Variants in SERPINA9 observed in about 807,000 individuals in gnomAD.
The protein encoded by SERPINA9 is serpin family A member 9.
A neutral mutation model predicts 24.5 loss-of-function variants in SERPINA9; 32 were observed. The observed-to-expected ratio is 1.30, with a 90% CI of 0.98 to 1.75. The LOEUF (loss-of-function observed/expected upper bound fraction) is 1.75, where lower values mean the gene tolerates loss of function less well. SERPINA9 is among the 40% of genes most tolerant of loss of function. SERPINA9 has a pLI of 0.00. For missense variants in SERPINA9, 594 were observed against 497.1 expected, an observed-to-expected ratio of 1.19 and a Z score of -1.85; for synonymous variants, 233 against 197.7, an observed-to-expected ratio of 1.18 and a Z score of -1.50.
intron 1 of SERPINA9, among the ~76,000 whole-genome samples, chr14:94,472,949 G>A (rs1899394365): frequency 6.6e-6 from 1 of 152,198 alleles, no homozygotes. Flanking sequence ...GGAAGGGCTG[G>A]GGAGCAGGAG....
At chr14:94,465,905 T>A (rs908741423) in intron 3 of SERPINA9, among the ~76,000 whole-genome samples, 2 of 152,206 alleles carry the variant, frequency 1.3e-5, no homozygotes, top group African/African-American at 4.8e-5. Flanking sequence ...TTACTTTTAG[T>A]GCTTTGCCCA....
intron 4 of SERPINA9, 141 bp downstream of exon 4, chr14:94,464,566 A>G: frequency 1.5e-6 from 1 of 680,114 alleles, no homozygotes; most frequent in East Asian, 2.7e-5. Flanking sequence ...ATAGGCCGCA[A>G]GATTCGGTTC....
Position 94,469,458 on chromosome 14 carries a change from A to C in SERPINA9, c.383T>G (p.Leu128Arg). The C allele has an allele frequency of 6.2e-7, 1 of 1,614,204 alleles. No homozygotes were observed. The highest frequency in any genetic ancestry group is 8.5e-7 in the Non-Finnish European group (1 of 1,180,038). Residue 128 changes from leucine to arginine, a missense_variant, in exon 2 of 5, where the codon CTG becomes CGG. Leu to Arg is a moderately radical substitution (Grantham distance 102). Transcript: ENST00000674397. Reference sequence around the variant, plus strand: ...GAGGGCACTTCCCATCTTCAAGGTCAGGTCTTTGCTGGGAACAGTCAGTGA... The same window carrying C: ...GAGGGCACTTCCCATCTTCAAGGTCCGGTCTTTGCTGGGAACAGTCAGTGA... ...VHSLTVPSKDLTLKMGSALFV... is the reference protein window; with the variant it reads ...VHSLTVPSKDRTLKMGSALFV...
At chr14:94,475,393 G>A (rs1328798272) in intron 1 of SERPINA9, among the ~76,000 whole-genome samples, 1 of 151,702 alleles carries the variant, frequency 6.6e-6, no homozygotes, top group East Asian at 1.9e-4. Context: ...CTACATGTGT[G>A]CTACATATGC....
chr14:94,469,031 C>T (rs1356151216), intron 2 of SERPINA9, among the ~76,000 whole-genome samples, 182 bp downstream of exon 2: 1 of 152,158 alleles, frequency 6.6e-6, no homozygotes, highest in Non-Finnish European at 1.5e-5. Flanking sequence ...CCTACTGTAA[C>T]TGGTAAACAT....
At chr14:94,465,951 AC>A (rs1477349120) in intron 3 of SERPINA9, among the ~76,000 whole-genome samples, 1 of 152,222 alleles carries the variant, frequency 6.6e-6, no homozygotes, top group Non-Finnish European at 1.5e-5. Context: ...CAACGAAAGC[AC>A]AAAAATATTG....
In SERPINA9 at chr14:94,463,088, C is replaced by T. The variant is rs540521897; in HGVS notation, c.*5G>A. The T allele has an allele frequency of 6.2e-6, 10 of 1,610,762 alleles. No homozygotes were observed. The African/African-American group carries it at 8.0e-5, about 13-fold the overall frequency. On this transcript the variant is annotated 3_prime_UTR_variant, in exon 5 of 5. Transcript: ENST00000674397. ...TGTGCCATCAGTTAACAGGCCATTT[C>T]CCACCTAGGATTTAGTGGGATTTTC...
At position 94,467,210 on chromosome 14, in the gene SERPINA9, G is replaced by T. The variant is rs374972207; in HGVS notation, c.801C>A (p.Ala267=). 3 of 1,614,160 alleles carry T rather than the reference G, an allele frequency of 1.9e-6. No individual in the cohort carries two copies. In the African/African-American group the frequency reaches 4.0e-5, roughly 22 times the overall value. Residue 267 remains alanine (A), a synonymous_variant, in exon 3 of 5, where the codon GCC becomes GCA. Coordinates refer to ENST00000674397, the MANE Select transcript of SERPINA9 (RefSeq NM_175739.4). The part of the protein sequence containing the change: ...FVLQMDYKGD[A]VAFFVLPSKG... ...TGCTAGGGAGGACAAAGAAGGCCACGGCATCTCCCTTGTAATCCATCTGCA... is the reference window on the plus strand; with the variant it reads ...TGCTAGGGAGGACAAAGAAGGCCACTGCATCTCCCTTGTAATCCATCTGCA...
chr14:94,463,909 G>A (rs1898862928), intron 4 of SERPINA9, among the ~76,000 whole-genome samples: 2 of 152,062 alleles, frequency 1.3e-5, no homozygotes. Context: ...ATTCCAGTGG[G>A]GCCTCTCAAC....
At chr14:94,467,488 T>C in intron 2 of SERPINA9, 106 bp from the exon 3 acceptor site, 1 of 1,068,680 alleles carries the variant, frequency 9.4e-7, no homozygotes, top group South Asian at 1.7e-5. Flanking sequence ...AGGTTTCTTT[T>C]TGAGGTGACA....
rs976819761 is a variant in SERPINA9, at chr14:94,462,771, T to C, written c.*322A>G. ...TTTATTGAATGTGTTATTGTAATTC[T>C]GCAATAGAGGTGCCTAACCTGGGTT... On this transcript the variant is annotated 3_prime_UTR_variant, in exon 5 of 5. Coordinates refer to ENST00000674397, the MANE Select transcript of SERPINA9 (RefSeq NM_175739.4). 9.1e-6 allele frequency: 3 copies of C among 330,390 alleles called. No homozygotes were observed. The highest frequency in any genetic ancestry group is 1.7e-5 in the Non-Finnish European group (3 of 174,590). 20.5% of individuals were successfully genotyped at this position (330,390 alleles called of 1,614,324 possible).
intron 2 of SERPINA9, among the ~76,000 whole-genome samples, chr14:94,467,806 T>C (rs774418704): frequency 2.0e-5 from 3 of 151,968 alleles, no homozygotes; most frequent in Non-Finnish European, 2.9e-5. Flanking sequence ...GATGGATTAA[T>C]GGATGAATGG....
chr14:94,464,545 G>A, intron 4 of SERPINA9, 162 bp downstream of exon 4: 3 of 614,772 alleles, frequency 4.9e-6, no homozygotes, highest in South Asian at 4.1e-5. Context: ...CATGCCAGAG[G>A]GATGGTGGCC....
chr14:94,467,904 AATGG>A (rs1899092022), intron 2 of SERPINA9, among the ~76,000 whole-genome samples: 1 of 115,730 alleles, frequency 8.6e-6, no homozygotes, highest in Non-Finnish European at 1.8e-5. Flanking sequence ...TAGGTGGATG[AATGG>A]ATGCATGGAT....
intron 3 of SERPINA9, among the ~76,000 whole-genome samples, chr14:94,466,300 G>A (rs770066215): frequency 3.9e-5 from 6 of 152,110 alleles, no homozygotes; most frequent in Non-Finnish European, 8.8e-5. Context: ...AAACCCCACC[G>A]CCTCCTTGAA....
intron 1 of SERPINA9, 101 bp from the exon 2 acceptor site, chr14:94,469,958 C>T: frequency 1.1e-6 from 1 of 942,932 alleles, no homozygotes; most frequent in Non-Finnish European, 1.5e-6. Flanking sequence ...AGAATGAGGA[C>T]AGATAGGCCA....
In SERPINA9 at chr14:94,462,991, G is replaced by A; in HGVS notation, c.*102C>T. The stretch of plus-strand genomic sequence containing the variant: ...AGTGGCATCCCTGCCAGCGAATCCA[G>A]CTCCACTGGGGTCAAATGCACCCTC... On this transcript the variant is annotated 3_prime_UTR_variant, in exon 5 of 5. Coordinates refer to ENST00000674397, the MANE Select transcript of SERPINA9 (RefSeq NM_175739.4). 1 of 1,025,206 alleles carries A rather than the reference G, an allele frequency of 9.8e-7. No homozygotes were observed. Among genetic ancestry groups the A allele is most frequent in the South Asian group, 1.4e-5 (1 of 70,964 alleles). The allele number at this position is 1,025,206 out of a possible 1,614,324, so 63.5% of individuals were successfully genotyped here.
Position 94,467,349 on chromosome 14 carries a change from G to C in SERPINA9, c.662C>G (p.Thr221Arg), listed in dbSNP as rs780251195. The C allele has an allele frequency of 1.2e-5, 20 of 1,613,214 alleles. No individual in the cohort carries two copies. The South Asian group carries it at 2.2e-4, about 18-fold the overall frequency. ...KWEKPFHPEY[T>R]RKNFPFLVGE... is the part of the protein sequence containing the mutation. The stretch of plus-strand genomic sequence containing the variant: ...CACCAGGAATGGGAAGTTCTTTCTT[G>C]TATATTCAGGGTGAAAGGGCTTCTC... The change falls in exon 3 of 5, where the codon ACA (threonine) becomes AGA (arginine). Residue 221 changes from threonine to arginine, a missense_variant. Physicochemically the swap from Thr to Arg is moderately conservative, Grantham distance 71. Coordinates refer to ENST00000674397, the MANE Select transcript of SERPINA9 (RefSeq NM_175739.4).
chr14:94,467,081 G>T, intron 3 of SERPINA9, 28 bp downstream of exon 3: 4 of 1,605,068 alleles, frequency 2.5e-6, no homozygotes, highest in Non-Finnish European at 3.4e-6. Context: ...CCTGCCTCAG[G>T]GCCCAGGAGA....
Sources: gnomAD v4.1 joint callset for allele counts (sites outside exome capture counted in the v4.1 genomes callset) on GRCh38, gnomAD v4.1.1 for gene constraint, MANE v1.5 for transcripts, NCBI Gene and HGNC (gene_info 2026-07-23, HGNC 2026-07-21) for gene names.